Variants in CDH18 observed in about 807,000 individuals in gnomAD.
CDH18 encodes cadherin 18, also known as cadherin-18.
In CDH18, 31 loss-of-function variants were observed where a neutral mutation model predicts 67.9. That is an observed-to-expected ratio of 0.46 (90% CI 0.34 to 0.62). The LOEUF (loss-of-function observed/expected upper bound fraction) is 0.62. Ranked by LOEUF, CDH18 falls within the 20% of genes least tolerant of loss-of-function variation. The probability of loss-of-function intolerance (pLI) is 0.01; values close to 1 mark genes in which losing one functional copy is unlikely to be tolerated. For missense variants in CDH18, 890 were observed against 975.5 expected (o/e 0.91, Z 1.17); for synonymous variants, 362 against 347.2 (o/e 1.04, Z -0.48).
At chr5:19,510,826 T>C (rs945583962) in intron 10 of CDH18, among the ~76,000 whole-genome samples, 3 of 151,296 alleles carry the variant, frequency 2.0e-5, no homozygotes, top group African/African-American at 7.3e-5. Context: ...TTTTTTTTTT[T>C]CTGAGACCAA....
At chr5:20,515,830 A>T (rs1174375675) in intron 1 of CDH18, among the ~76,000 whole-genome samples, 1 of 152,026 alleles carries the variant, frequency 6.6e-6, no homozygotes, top group Non-Finnish European at 1.5e-5. Flanking sequence ...GTGCTGGCAG[A>T]TGTCTTACTT....
chr5:19,863,189 G>A (rs1017364420), intron 2 of CDH18, among the ~76,000 whole-genome samples: 3 of 152,032 alleles, frequency 2.0e-5, no homozygotes, highest in East Asian at 1.9e-4. Context: ...GTGTGAGAGC[G>A]GGATAAACTA....
chr5:20,142,336 T>C (rs941039565), intron 2 of CDH18, among the ~76,000 whole-genome samples: 3 of 152,018 alleles, frequency 2.0e-5, no homozygotes, highest in Non-Finnish European at 2.9e-5. Context: ...TCCCAGAACT[T>C]TGGGAGGCTG....
intron 5 of CDH18, among the ~76,000 whole-genome samples, chr5:19,716,971 C>T (rs1765417716): frequency 6.6e-6 from 1 of 151,828 alleles, no homozygotes; most frequent in African/African-American, 2.4e-5. Flanking sequence ...GTAGTATTTA[C>T]TGGGCATGTG....
intron 1 of CDH18, among the ~76,000 whole-genome samples, chr5:20,311,367 T>G (rs1736973058): frequency 6.6e-6 from 1 of 152,104 alleles, no homozygotes; most frequent in African/African-American, 2.4e-5. Flanking sequence ...TGTGGCACTA[T>G]TCACAATAGC....
intron 1 of CDH18, among the ~76,000 whole-genome samples, chr5:20,473,957 TG>T (rs1281503482): frequency 2.0e-5 from 3 of 152,220 alleles, no homozygotes; most frequent in African/African-American, 7.2e-5. Flanking sequence ...TTGTAAATGC[TG>T]TTCACTAGTA....
chr5:19,967,476 C>T (rs1797571962), intron 2 of CDH18, among the ~76,000 whole-genome samples: 1 of 151,976 alleles, frequency 6.6e-6, no homozygotes, highest in Admixed American at 6.6e-5. Flanking sequence ...TTGTGTTGTA[C>T]ATATTGTACA....
At chr5:20,172,216 A>G (rs1302237559) in intron 2 of CDH18, among the ~76,000 whole-genome samples, 4 of 78,798 alleles carry the variant, frequency 5.1e-5, no homozygotes, top group African/African-American at 1.7e-4. Context: ...ATATATATAT[A>G]TATATATGTA....
chr5:19,768,793 T>C (rs1378335204), intron 3 of CDH18, among the ~76,000 whole-genome samples: 1 of 151,980 alleles, frequency 6.6e-6, no homozygotes, highest in African/African-American at 2.4e-5. Flanking sequence ...GATTTCCAGA[T>C]TTGCCACATT....
intron 2 of CDH18, among the ~76,000 whole-genome samples, chr5:19,918,075 T>C (rs190158920): frequency 3.3e-5 from 5 of 152,066 alleles, no homozygotes; most frequent in Admixed American, 1.3e-4. Flanking sequence ...AAAAAATATG[T>C]CTCTTAATGT....
At chr5:20,550,677 A>T (rs547143839) in intron 1 of CDH18, among the ~76,000 whole-genome samples, 2 of 152,346 alleles carry the variant, frequency 1.3e-5, no homozygotes, top group African/African-American at 4.8e-5. Flanking sequence ...TAGGTTTAAT[A>T]AATGTAGAGC....
At chr5:19,659,468 G>T (rs1218191428) in intron 5 of CDH18, among the ~76,000 whole-genome samples, 1 of 152,138 alleles carries the variant, frequency 6.6e-6, no homozygotes, top group East Asian at 1.9e-4. Context: ...AGATGTGTCT[G>T]TATCTGCAGT....
chr5:20,375,272 G>A lies in CDH18; in HGVS notation c.-579-119767C>T, dbSNP rs559862926. 2.0e-5 allele frequency among the ~76,000 whole-genome samples: 3 copies of A among 152,122 alleles called. No individual in the cohort carries two copies. The East Asian group carries it at 5.8e-4, about 29-fold the overall frequency. ...AAAGTTCCCAAACCTGAATGCTGGG[G>A]ACAATGATACCTATTATTAAATCTG... is the stretch of plus-strand genomic sequence containing the variant. On this transcript the variant is annotated intron_variant, in intron 1 of 14. Coordinates refer to the CDH18 transcript ENST00000507958.
In CDH18 at chr5:19,571,849, TA is replaced by T. The variant is rs1374454159; in HGVS notation, c.1000-18del. 4.4e-6 allele frequency: 7 copies of T among 1,589,844 alleles called. No individual in the cohort carries two copies. The highest frequency in any genetic ancestry group is 3.4e-6 in the Non-Finnish European group (4 of 1,163,112). ...GTTCAGTGGCTGTGGGGAAAAAAAA[TA>T]AGATTATGACTTTTATAAAAAAAGT... On this transcript the variant is annotated intron_variant, in intron 7 of 12. Coordinates refer to ENST00000382275, the MANE Select transcript of CDH18 (RefSeq NM_004934.5).
chr5:20,280,958 G>A (rs1746213281), intron 1 of CDH18, among the ~76,000 whole-genome samples: 1 of 152,208 alleles, frequency 6.6e-6, no homozygotes. Flanking sequence ...CTGATGGCCA[G>A]TGATGATGAG....
chr5:19,535,691 A>G (rs1749303322), intron 9 of CDH18, among the ~76,000 whole-genome samples: 2 of 152,180 alleles, frequency 1.3e-5, no homozygotes, highest in Admixed American at 6.5e-5. Flanking sequence ...TAAAGAAAAC[A>G]CAAACATTGG....
intron 2 of CDH18, among the ~76,000 whole-genome samples, chr5:20,025,351 A>G (rs1738801995): frequency 6.6e-6 from 1 of 152,194 alleles, no homozygotes; most frequent in South Asian, 2.1e-4. Context: ...GAATTAATTT[A>G]AATTAATAAT....
intron 1 of CDH18, among the ~76,000 whole-genome samples, chr5:20,399,565 C>G (rs1745583895): frequency 6.6e-6 from 1 of 152,140 alleles, no homozygotes; most frequent in African/African-American, 2.4e-5. Flanking sequence ...ACTGAAAAGC[C>G]ACTCCATCTT....
At chr5:20,089,740 A>G (rs1386743465) in intron 2 of CDH18, among the ~76,000 whole-genome samples, 2 of 152,138 alleles carry the variant, frequency 1.3e-5, no homozygotes, top group Non-Finnish European at 2.9e-5. Flanking sequence ...CCTAGAGCAT[A>G]AAGTGGCCAA....
Sources: allele counts gnomAD v4.1 joint callset (sites outside exome capture counted in the v4.1 genomes callset), GRCh38; gene constraint gnomAD v4.1.1; transcripts MANE v1.5; gene names NCBI Gene and HGNC (gene_info 2026-07-23, HGNC 2026-07-21).